IFT81: variants seen among roughly 807,000 people sequenced by gnomAD.
IFT81 encodes the protein intraflagellar transport protein 81 homolog.
IFT81 carries 72 observed loss-of-function variants against 102.6 expected under a neutral mutation model. That is an observed-to-expected ratio of 0.70 (90% CI 0.58 to 0.85). The LOEUF is 0.85. IFT81 is among the 40% of genes least tolerant of loss of function. The pLI, the probability that IFT81 is intolerant of heterozygous loss-of-function variation, is 0.00. For synonymous variants in IFT81, 237 were observed against 242.7 expected (o/e 0.98, Z 0.22); for missense variants, 723 against 787.3 (o/e 0.92, Z 0.98).
At chr12:110,177,983 T>C (rs529944101) in intron 11 of IFT81, among the ~76,000 whole-genome samples, 26 of 151,036 alleles carry the variant, frequency 1.7e-4, no homozygotes, top group Non-Finnish European at 3.2e-4. Context: ...TAATCCCAGC[T>C]ACCCGGGAGG....
intron 12 of IFT81, among the ~76,000 whole-genome samples, 174 bp downstream of exon 12, chr12:110,180,745 A>G (rs970494271): frequency 6.6e-6 from 1 of 152,248 alleles, no homozygotes; most frequent in African/African-American, 2.4e-5. Flanking sequence ...TGTAGCAGTA[A>G]GCACTGGCTT....
At chr12:110,139,616 T>C (rs1053334411) in intron 8 of IFT81, among the ~76,000 whole-genome samples, 2 of 150,604 alleles carry the variant, frequency 1.3e-5, no homozygotes, top group African/African-American at 4.9e-5. Flanking sequence ...ACTAAAAAAA[T>C]ATAAAAAATT....
At chr12:110,153,925 G>A (rs569016392) in intron 10 of IFT81, among the ~76,000 whole-genome samples, 10 of 151,304 alleles carry the variant, frequency 6.6e-5, no homozygotes, top group African/African-American at 1.9e-4. Flanking sequence ...CCTGGTATTC[G>A]TTAATTTAAG....
intron 10 of IFT81, among the ~76,000 whole-genome samples, chr12:110,150,658 A>G (rs1304082514): frequency 5.3e-5 from 8 of 150,066 alleles, no homozygotes; most frequent in Non-Finnish European, 9.0e-5. Context: ...ATTAATCCAC[A>G]TTTTACACAC....
At chr12:110,154,495 A>G (rs956794700) in intron 10 of IFT81, among the ~76,000 whole-genome samples, 2 of 151,522 alleles carry the variant, frequency 1.3e-5, no homozygotes, top group Admixed American at 6.6e-5. Flanking sequence ...GCCGGGCATG[A>G]TGGTGCATGT....
chr12:110,139,347 A>G (rs1486897860), intron 8 of IFT81, among the ~76,000 whole-genome samples: 1 of 146,470 alleles, frequency 6.8e-6, no homozygotes, highest in African/African-American at 2.5e-5. Flanking sequence ...AAAAAAAAAA[A>G]AAAAAAAAGA....
chr12:110,216,894 A>T (rs1199104466), intron 18 of IFT81: 1 of 208,290 alleles, frequency 4.8e-6, no homozygotes, highest in Non-Finnish European at 9.8e-6. Flanking sequence ...GAATATACTG[A>T]TCCTGTTGGT....
intron 7 of IFT81, among the ~76,000 whole-genome samples, chr12:110,136,059 G>A (rs1367089868): frequency 6.6e-6 from 1 of 152,014 alleles, no homozygotes; most frequent in Non-Finnish European, 1.5e-5. Context: ...ATCTCTACAG[G>A]ATGCTTTTAG....
chr12:110,157,424 G>T (rs547642865), intron 10 of IFT81, among the ~76,000 whole-genome samples: 1 of 152,146 alleles, frequency 6.6e-6, no homozygotes, highest in African/African-American at 2.4e-5. Flanking sequence ...GCACTTGGAA[G>T]AAACCAAAGC....
chr12:110,171,921 C>T (rs1034225137), intron 11 of IFT81: 1 of 152,150 alleles, frequency 6.6e-6, no homozygotes, highest in African/African-American at 2.4e-5. Context: ...TGCCTAACTC[C>T]CTTGGGCCAA....
chr12:110,210,015 C>A (rs922853432), intron 18 of IFT81, among the ~76,000 whole-genome samples: 30 of 152,136 alleles, frequency 2.0e-4, no homozygotes, highest in African/African-American at 7.0e-4. Flanking sequence ...CTGAGCCACT[C>A]CTAGAAGTGG....
At chr12:110,164,684 T>G (rs2137448301) in intron 11 of IFT81, among the ~76,000 whole-genome samples, 1 of 152,288 alleles carries the variant, frequency 6.6e-6, no homozygotes, top group Middle Eastern at 3.4e-3. Flanking sequence ...GGGGAAGTAG[T>G]AGATTCAGGA....
chr12:110,204,025 G>C, intron 15 of IFT81, 75 bp downstream of exon 15: 1 of 912,616 alleles, frequency 1.1e-6, no homozygotes, highest in African/African-American at 1.7e-5. Flanking sequence ...AGCTACTCTG[G>C]AGGCTGAAGC....
At chr12:110,213,165 T>G (rs916051799) in intron 18 of IFT81, among the ~76,000 whole-genome samples, 2 of 152,216 alleles carry the variant, frequency 1.3e-5, no homozygotes, top group African/African-American at 4.8e-5. Flanking sequence ...ATGATTTATT[T>G]GTTTGAATCA....
At chr12:110,168,809 A>G (rs984661640) in intron 11 of IFT81, 1 of 152,230 alleles carries the variant, frequency 6.6e-6, no homozygotes, top group African/African-American at 2.4e-5. Context: ...TGTTCAGAAA[A>G]AAATTAACAT....
intron 11 of IFT81, among the ~76,000 whole-genome samples, chr12:110,173,659 C>G (rs1031450533): frequency 1.6e-4 from 24 of 152,180 alleles, no homozygotes; most frequent in African/African-American, 5.3e-4. Context: ...GATCTGTGAC[C>G]TTATCCCCCA....
At chr12:110,141,439 T>A (rs1894885882) in intron 8 of IFT81, among the ~76,000 whole-genome samples, 1 of 152,210 alleles carries the variant, frequency 6.6e-6, no homozygotes, top group Admixed American at 6.5e-5. Flanking sequence ...AATTTGCAGT[T>A]AATAAAATTT....
chr12:110,164,158 A>G (rs1222357303), intron 11 of IFT81, among the ~76,000 whole-genome samples: 1 of 152,204 alleles, frequency 6.6e-6, no homozygotes, highest in East Asian at 1.9e-4. Flanking sequence ...CTTTAAAAAA[A>G]TATAATTGTG....
chr12:110,196,339 C>T (rs1248046510), intron 14 of IFT81, among the ~76,000 whole-genome samples: 3 of 152,040 alleles, frequency 2.0e-5, no homozygotes, highest in Admixed American at 1.3e-4. Context: ...GCCAACATGG[C>T]GAAACTCTGT....
Sources: gnomAD v4.1 joint callset for allele counts (sites outside exome capture counted in the v4.1 genomes callset) on GRCh38, gnomAD v4.1.1 for gene constraint, MANE v1.5 for transcripts, NCBI Gene and HGNC (gene_info 2026-07-23, HGNC 2026-07-21) for gene names.